Variants in SLC24A2 observed in about 807,000 individuals in gnomAD.
The protein encoded by SLC24A2 is sodium/potassium/calcium exchanger 2.
A neutral mutation model predicts 62.0 loss-of-function variants in SLC24A2; 36 were observed. That is an observed-to-expected ratio of 0.58 (90% CI 0.44 to 0.77). The LOEUF (loss-of-function observed/expected upper bound fraction) is 0.77. SLC24A2 is among the 30% of genes least tolerant of loss of function. SLC24A2 has a pLI of 0.00. For synonymous variants in SLC24A2, 358 were observed against 294.0 expected (o/e 1.22, Z -2.23); for missense variants, 846 against 817.9 (o/e 1.03, Z -0.42).
chr9:19,850,851 T>G, the SLC24A2 span, among the ~76,000 whole-genome samples: 2 of 148,240 alleles, frequency 1.3e-5, no homozygotes, highest in African/African-American at 5.0e-5. Context: ...CTTATGTTTA[T>G]CTAGTCACCA....
chr9:20,018,116 T>G, the SLC24A2 span, among the ~76,000 whole-genome samples: 7 of 152,112 alleles, frequency 4.6e-5, no homozygotes, highest in African/African-American at 1.7e-4. Context: ...CCGGCTAATT[T>G]TTTTGTATTT....
At chr9:19,570,326 AT>A (rs1835801436) in intron 7 of SLC24A2, among the ~76,000 whole-genome samples, 1 of 151,988 alleles carries the variant, frequency 6.6e-6, no homozygotes, top group Non-Finnish European at 1.5e-5. Flanking sequence ...TTATTTCTTC[AT>A]TCTTTGAGGG....
chr9:19,892,091 TG>T, the SLC24A2 span, among the ~76,000 whole-genome samples: 1 of 152,232 alleles, frequency 6.6e-6, no homozygotes, highest in African/African-American at 2.4e-5. Flanking sequence ...GCCTTCTTTT[TG>T]TCCCTCCCTT....
intron 5 of SLC24A2, among the ~76,000 whole-genome samples, chr9:19,582,792 T>C (rs574072001): frequency 6.6e-6 from 1 of 152,250 alleles, no homozygotes; most frequent in South Asian, 2.1e-4. Context: ...CATGAAGTTA[T>C]CCTGGGCTCC....
At chr9:20,287,881 A>C in the SLC24A2 span, among the ~76,000 whole-genome samples, 1 of 152,236 alleles carries the variant, frequency 6.6e-6, no homozygotes, top group African/African-American at 2.4e-5. Context: ...CTGATACTCA[A>C]ATTTCTGTTA....
chr9:20,203,972 CAG>C, the SLC24A2 span, among the ~76,000 whole-genome samples: 6 of 147,578 alleles, frequency 4.1e-5, no homozygotes, highest in Admixed American at 1.4e-4. Context: ...TTTTCAGAAA[CAG>C]AGTCACATTA....
the SLC24A2 span, among the ~76,000 whole-genome samples, chr9:19,852,768 T>C: frequency 1.3e-5 from 2 of 152,210 alleles, no homozygotes; most frequent in African/African-American, 4.8e-5. Context: ...TCCAGCTTTG[T>C]TATTTTTGCT....
the SLC24A2 span, among the ~76,000 whole-genome samples, chr9:20,257,214 T>G: frequency 6.6e-6 from 1 of 152,224 alleles, no homozygotes; most frequent in Admixed American, 6.5e-5. Flanking sequence ...CCAGACTGGT[T>G]TGATCCCAAT....
chr9:19,745,702 G>C (rs1199832353), intron 2 of SLC24A2, among the ~76,000 whole-genome samples: 3 of 152,112 alleles, frequency 2.0e-5, no homozygotes, highest in Admixed American at 6.6e-5. Flanking sequence ...TGCTGGGAAA[G>C]ACCTGCATTG....
At chr9:19,734,017 G>T (rs1314814562) in intron 2 of SLC24A2, among the ~76,000 whole-genome samples, 1 of 152,194 alleles carries the variant, frequency 6.6e-6, no homozygotes, top group Non-Finnish European at 1.5e-5. Flanking sequence ...AAGTCTCTCT[G>T]AGGAAGTAAC....
chr9:19,607,863 C>T (rs1262495854), intron 4 of SLC24A2, among the ~76,000 whole-genome samples: 1 of 152,142 alleles, frequency 6.6e-6, no homozygotes, highest in African/African-American at 2.4e-5. Context: ...AGACAATTCA[C>T]ATTCCCTTAT....
At chr9:19,843,473 T>C in the SLC24A2 span, among the ~76,000 whole-genome samples, 2 of 152,180 alleles carry the variant, frequency 1.3e-5, no homozygotes, top group Non-Finnish European at 2.9e-5. Context: ...GATTTTGCCA[T>C]TGTGCTGCAG....
chr9:19,980,938 ACTACT>A, the SLC24A2 span, among the ~76,000 whole-genome samples: 1 of 152,176 alleles, frequency 6.6e-6, no homozygotes, highest in African/African-American at 2.4e-5. Context: ...ATCCCAAAAT[ACTACT>A]CCTAATCACT....
the SLC24A2 span, among the ~76,000 whole-genome samples, chr9:20,291,165 C>T: frequency 6.6e-6 from 1 of 152,090 alleles, no homozygotes; most frequent in Admixed American, 6.5e-5. Context: ...AAAATGCCTG[C>T]CCTTAAGCAA....
chr9:20,004,424 G>A, the SLC24A2 span, among the ~76,000 whole-genome samples: 1 of 152,164 alleles, frequency 6.6e-6, no homozygotes, highest in Non-Finnish European at 1.5e-5. Flanking sequence ...AAGTGACATT[G>A]TGACATTCTT....
the SLC24A2 span, among the ~76,000 whole-genome samples, chr9:19,824,176 A>T: frequency 1.3e-5 from 2 of 152,216 alleles, no homozygotes; most frequent in Non-Finnish European, 1.5e-5. Flanking sequence ...ACAAATGGTG[A>T]TCTAATTAAA....
intron 4 of SLC24A2, among the ~76,000 whole-genome samples, chr9:19,616,077 A>C (rs1301142176): frequency 2.0e-5 from 3 of 151,728 alleles, no homozygotes; most frequent in African/African-American, 7.3e-5. Flanking sequence ...GAGCTTCATG[A>C]AACTGGAAAC....
At position 19,663,494 on chromosome 9, in the gene SLC24A2, G is replaced by C. The variant is rs1162776262; in HGVS notation, c.931-41195C>G. Among the ~76,000 whole-genome samples, 6 of 152,154 alleles carry C rather than the reference G, an allele frequency of 3.9e-5. No homozygotes were observed. In the East Asian group the frequency reaches 9.6e-4, roughly 24 times the overall value. ...CGCAATCTGTCAACTGTGAACGGTA[G>C]TGACAGAAGATGCCTCCTGACTTGT... On this transcript the variant is annotated intron_variant, in intron 2 of 10. Transcript: ENST00000341998.
the SLC24A2 span, among the ~76,000 whole-genome samples, chr9:20,094,757 C>A: frequency 7.9e-5 from 12 of 152,152 alleles, no homozygotes; most frequent in Middle Eastern, 0.017. Flanking sequence ...TTTGGAAGAT[C>A]TTAATTATTC....
Sources: allele counts gnomAD v4.1 joint callset (sites outside exome capture counted in the v4.1 genomes callset), GRCh38; gene constraint gnomAD v4.1.1; transcripts MANE v1.5; gene names NCBI Gene and HGNC (gene_info 2026-07-23, HGNC 2026-07-21).